The following NPAS3 variants were observed in gnomAD, a reference collection of about 807,000 sequenced individuals.
NPAS3 encodes the protein neuronal PAS domain protein 3.
NPAS3 carries 14 observed loss-of-function variants against 73.1 expected under a neutral mutation model. The ratio of observed to expected loss-of-function variants is 0.19; its 90% CI spans 0.13 to 0.30. NPAS3 has a LOEUF of 0.30. Among genes scored for constraint, NPAS3 ranks in the 10% least tolerant of loss-of-function variants. The pLI is 1.00. For missense variants in NPAS3, 1,096 were observed against 1,250.0 expected, an observed-to-expected ratio of 0.88 and a Z score of 1.86; for synonymous variants, 620 against 541.5, an observed-to-expected ratio of 1.14 and a Z score of -2.01.
chr14:33,247,616 C>A (rs1475157681), intron 3 of NPAS3, among the ~76,000 whole-genome samples: 3 of 152,034 alleles, frequency 2.0e-5, no homozygotes, highest in Non-Finnish European at 4.4e-5. Flanking sequence ...ACAAGTTGGT[C>A]AAATGACCAC....
intron 7 of NPAS3, among the ~76,000 whole-genome samples, chr14:33,743,205 G>T (rs1448467413): frequency 6.6e-6 from 1 of 152,152 alleles, no homozygotes; most frequent in African/African-American, 2.4e-5. Flanking sequence ...ACTATCTATG[G>T]CAGCTATAGC....
chr14:33,339,713 G>T lies in NPAS3; in HGVS notation c.386-27473G>T, dbSNP rs924043409. Reference sequence around the variant, plus strand: ...ATAAATAATCAGCATGACAGTTGAGGTCTAATTTGGAGAAAAAAAATCAAG... The same window carrying T: ...ATAAATAATCAGCATGACAGTTGAGTTCTAATTTGGAGAAAAAAAATCAAG... On this transcript the variant is annotated intron_variant, in intron 3 of 11. Coordinates refer to ENST00000356141, the Ensembl canonical transcript of NPAS3. Among the ~76,000 whole-genome samples the T allele has an allele frequency of 2.6e-5, 4 of 151,892 alleles. No individual in the cohort carries two copies. The East Asian group carries it at 7.7e-4, about 29-fold the overall frequency.
chr14:33,241,722 A>T (rs1053270835), intron 3 of NPAS3, among the ~76,000 whole-genome samples: 1 of 152,036 alleles, frequency 6.6e-6, no homozygotes, highest in Non-Finnish European at 1.5e-5. Flanking sequence ...AATTAAAATG[A>T]CATGAAAGGA....
intron 3 of NPAS3, among the ~76,000 whole-genome samples, chr14:33,238,617 C>T (rs8004782): frequency 0.011 from 1,638 of 151,986 alleles, 28 homozygotes; most frequent in African/African-American, 0.037. Context: ...ATTAAAATGG[C>T]AAAAGACGAT....
intron 1 of NPAS3, among the ~76,000 whole-genome samples, chr14:32,991,298 A>C (rs2038323716): frequency 1.3e-5 from 2 of 152,146 alleles, no homozygotes; most frequent in African/African-American, 4.8e-5. Context: ...TAATCTGGAC[A>C]TGAAGGGTAA....
chr14:33,478,704 A>C (rs573441674), intron 4 of NPAS3, among the ~76,000 whole-genome samples: 1 of 152,348 alleles, frequency 6.6e-6, no homozygotes, highest in African/African-American at 2.4e-5. Context: ...ATGATCTTGA[A>C]TAGCCCTGTA....
rs145263641 is a variant in NPAS3, at chr14:33,735,151, T to C, written c.734-63T>C. 1.8e-5 allele frequency: 20 copies of C among 1,134,838 alleles called. No individual in the cohort carries two copies. In the East Asian group the frequency reaches 3.0e-4, roughly 17 times the overall value. The allele number at this position is 1,134,838 out of a possible 1,614,324, so 70.3% of individuals were successfully genotyped here. On this transcript the variant is annotated intron_variant, in intron 6 of 11. Coordinates refer to ENST00000356141, the Ensembl canonical transcript of NPAS3. ...GTGAACTCAAGGATTGCACCTGAGC[T>C]GTAGCTGTGAGGGGCTGTGTCAAGA...
chr14:33,510,347 G>A (rs761839457), intron 4 of NPAS3, among the ~76,000 whole-genome samples: 14 of 151,988 alleles, frequency 9.2e-5, no homozygotes, highest in African/African-American at 1.9e-4. Flanking sequence ...TCTCACTAGC[G>A]CTTTCACAAT....
chr14:33,475,630 C>T (rs1053050330), intron 4 of NPAS3, among the ~76,000 whole-genome samples: 1 of 150,814 alleles, frequency 6.6e-6, no homozygotes, highest in Non-Finnish European at 1.5e-5. Context: ...AATCCTTATA[C>T]ACTCCTGGTT....
At chr14:33,722,109 T>C (rs1006260369) in intron 6 of NPAS3, among the ~76,000 whole-genome samples, 3 of 152,206 alleles carry the variant, frequency 2.0e-5, no homozygotes, top group East Asian at 1.9e-4. Context: ...AAAATACTTA[T>C]TTGGCATTAT....
chr14:33,359,463 T>C (rs1389124320), intron 3 of NPAS3, among the ~76,000 whole-genome samples: 1 of 152,158 alleles, frequency 6.6e-6, no homozygotes, highest in Non-Finnish European at 1.5e-5. Flanking sequence ...CTGCACTATT[T>C]CAGTGGTAAT....
intron 2 of NPAS3, among the ~76,000 whole-genome samples, chr14:33,107,331 T>A (rs2042753346): frequency 1.3e-5 from 2 of 152,116 alleles, no homozygotes; most frequent in African/African-American, 4.8e-5. Context: ...AGGTTTGGAG[T>A]ACAAATGAAT....
chr14:33,321,294 T>G (rs1415987994), intron 3 of NPAS3, among the ~76,000 whole-genome samples: 2 of 152,062 alleles, frequency 1.3e-5, no homozygotes, highest in East Asian at 1.9e-4. Context: ...CAGTACAGAA[T>G]AGGATTCAAA....
At chr14:33,450,513 C>A (rs1051198139) in intron 4 of NPAS3, among the ~76,000 whole-genome samples, 1 of 152,088 alleles carries the variant, frequency 6.6e-6, no homozygotes, top group Non-Finnish European at 1.5e-5. Flanking sequence ...CTGAAAAAAA[C>A]ATCTGAGTCT....
intron 2 of NPAS3, among the ~76,000 whole-genome samples, chr14:33,063,125 T>C (rs1400114868): frequency 1.3e-5 from 2 of 152,206 alleles, no homozygotes; most frequent in Non-Finnish European, 2.9e-5. Context: ...AGCTTCTGTT[T>C]GCTTATCTCT....
At chr14:33,731,674 G>A (rs1158258788) in intron 6 of NPAS3, among the ~76,000 whole-genome samples, 1 of 152,164 alleles carries the variant, frequency 6.6e-6, no homozygotes, top group African/African-American at 2.4e-5. Flanking sequence ...ATGAACAGAT[G>A]TGGAGTAATT....
chr14:33,003,607 T>C (rs2038887609), intron 1 of NPAS3, among the ~76,000 whole-genome samples: 1 of 152,216 alleles, frequency 6.6e-6, no homozygotes, highest in African/African-American at 2.4e-5. Flanking sequence ...TCATGAGTTA[T>C]CTTCCCTGAA....
chr14:32,965,628 T>G (rs2748835), intron 1 of NPAS3, among the ~76,000 whole-genome samples: 46,230 of 152,056 alleles, frequency 0.3, 7,578 homozygotes, highest in African/African-American at 0.41. Flanking sequence ...AATTGAAACC[T>G]TTCTCTCTAA....
intron 5 of NPAS3, among the ~76,000 whole-genome samples, chr14:33,645,738 A>G (rs1431392835): frequency 2.0e-5 from 3 of 152,180 alleles, no homozygotes; most frequent in Non-Finnish European, 4.4e-5. Context: ...GCTTGCTGCC[A>G]TGGTCTTGTC....
Sources: gnomAD v4.1 joint callset for allele counts (sites outside exome capture counted in the v4.1 genomes callset) on GRCh38, gnomAD v4.1.1 for gene constraint, MANE v1.5 for transcripts, NCBI Gene and HGNC (gene_info 2026-07-23, HGNC 2026-07-21) for gene names.